RAB3C: variants seen among roughly 807,000 people sequenced by gnomAD.
The protein encoded by RAB3C is RAB3C, member RAS oncogene family, also known as ras-related protein Rab-3C.
Under a neutral mutation model 26.4 loss-of-function variants are expected in RAB3C, and 17 were observed. The ratio of observed to expected loss-of-function variants is 0.64; its 90% CI spans 0.44 to 0.97. The LOEUF is 0.97. RAB3C is among the 50% of genes least tolerant of loss of function. The pLI is 0.00. For synonymous variants in RAB3C, 91 were observed against 95.9 expected (o/e 0.95, Z 0.30); for missense variants, 242 against 281.9 (o/e 0.86, Z 1.01).
At chr5:58,599,353 G>A (rs369121487) in intron 1 of RAB3C, among the ~76,000 whole-genome samples, 8 of 152,162 alleles carry the variant, frequency 5.3e-5, no homozygotes, top group African/African-American at 1.9e-4. Context: ...TTCTGAGCAG[G>A]GACCAGGGCC....
At chr5:58,802,163 G>A (rs1742823093) in intron 3 of RAB3C, among the ~76,000 whole-genome samples, 1 of 151,972 alleles carries the variant, frequency 6.6e-6, no homozygotes, top group Admixed American at 6.6e-5. Context: ...TTAGAAAACT[G>A]CATTTAGTTA....
intron 4 of RAB3C, among the ~76,000 whole-genome samples, chr5:58,842,723 C>A (rs1464962404): frequency 6.6e-6 from 1 of 152,154 alleles, no homozygotes; most frequent in East Asian, 1.9e-4. Context: ...TTCATCAAGA[C>A]AAGGGATGAT....
intron 2 of RAB3C, among the ~76,000 whole-genome samples, chr5:58,673,920 A>C (rs1748173787): frequency 6.6e-6 from 1 of 152,220 alleles, no homozygotes; most frequent in South Asian, 2.1e-4. Flanking sequence ...GCACATAAGA[A>C]ACATAGAGAA....
intron 2 of RAB3C, among the ~76,000 whole-genome samples, chr5:58,642,071 TG>T (rs1451156560): frequency 2.0e-5 from 3 of 152,186 alleles, no homozygotes; most frequent in African/African-American, 7.2e-5. Flanking sequence ...CACTGCACCT[TG>T]TCTAGCCTAA....
chr5:58,679,359 T>C (rs1748300276), intron 2 of RAB3C, among the ~76,000 whole-genome samples: 1 of 152,232 alleles, frequency 6.6e-6, no homozygotes, highest in South Asian at 2.1e-4. Context: ...ATCTCTAGGA[T>C]GCTAGGCTTC....
chr5:58,685,766 A>G (rs551193509), intron 2 of RAB3C, among the ~76,000 whole-genome samples: 72 of 152,304 alleles, frequency 4.7e-4, no homozygotes, highest in Middle Eastern at 3.4e-3. Flanking sequence ...TGGGAATACC[A>G]TAGTGAATAC....
intron 2 of RAB3C, among the ~76,000 whole-genome samples, chr5:58,698,565 C>T (rs2111874095): frequency 6.6e-6 from 1 of 152,326 alleles, no homozygotes; most frequent in South Asian, 2.1e-4. Context: ...GGTCCACAAT[C>T]AAACGTAGAT....
At chr5:58,849,762 C>A (rs964285512) in intron 4 of RAB3C, among the ~76,000 whole-genome samples, 1 of 152,122 alleles carries the variant, frequency 6.6e-6, no homozygotes, top group Non-Finnish European at 1.5e-5. Context: ...AATAGTATAA[C>A]GACTAAGTTG....
intron 3 of RAB3C, among the ~76,000 whole-genome samples, chr5:58,794,730 C>A (rs935462912): frequency 1.3e-5 from 2 of 152,204 alleles, no homozygotes; most frequent in Non-Finnish European, 2.9e-5. Context: ...GTTTTCCCCC[C>A]ATTTTACAGA....
At chr5:58,789,198 C>T (rs989971080) in intron 3 of RAB3C, among the ~76,000 whole-genome samples, 7 of 152,134 alleles carry the variant, frequency 4.6e-5, no homozygotes, top group Admixed American at 2.6e-4. Context: ...GCCTTATCAC[C>T]GCTGTTCTGC....
intron 2 of RAB3C, among the ~76,000 whole-genome samples, chr5:58,704,919 A>G (rs1395881430): frequency 6.6e-6 from 1 of 152,170 alleles, no homozygotes; most frequent in Non-Finnish European, 1.5e-5. Context: ...ATCAGAGAGC[A>G]CTTTCAGCAT....
intron 2 of RAB3C, among the ~76,000 whole-genome samples, chr5:58,694,277 G>A (rs1008448260): frequency 1.3e-5 from 2 of 152,040 alleles, no homozygotes; most frequent in Non-Finnish European, 1.5e-5. Context: ...TCCTTTTTAC[G>A]GCTGCATAGT....
At chr5:58,797,396 T>TAC (rs766393460) in intron 3 of RAB3C, among the ~76,000 whole-genome samples, 1,953 of 116,050 alleles carry the variant, frequency 0.017, 104 homozygotes, top group Admixed American at 0.047. Context: ...TATATATATA[T>TAC]ACACAGAGAG....
chr5:58,818,319 C>T (rs1743261638), intron 3 of RAB3C, among the ~76,000 whole-genome samples: 1 of 152,154 alleles, frequency 6.6e-6, no homozygotes, highest in Admixed American at 6.5e-5. Flanking sequence ...GTGCAGAGTT[C>T]AGTTGTTTAT....
At chr5:58,797,067 C>T (rs1742672813) in intron 3 of RAB3C, among the ~76,000 whole-genome samples, 1 of 151,476 alleles carries the variant, frequency 6.6e-6, no homozygotes, top group African/African-American at 2.4e-5. Flanking sequence ...TTGTGAGAAG[C>T]AGGTGGTATT....
At chr5:58,835,342 C>A (rs546128410) in intron 4 of RAB3C, among the ~76,000 whole-genome samples, 1 of 152,296 alleles carries the variant, frequency 6.6e-6, no homozygotes, top group East Asian at 1.9e-4. Flanking sequence ...CCAGATCTTA[C>A]CAACCTTTGA....
chr5:58,596,886 T>C (rs1373778241), intron 1 of RAB3C, among the ~76,000 whole-genome samples: 1 of 97,480 alleles, frequency 1.0e-5, no homozygotes, highest in African/African-American at 4.3e-5. Flanking sequence ...ATATAATACA[T>C]AATATATAAT....
At chr5:58,845,298 C>T (rs780555439) in intron 4 of RAB3C, among the ~76,000 whole-genome samples, 3 of 152,058 alleles carry the variant, frequency 2.0e-5, no homozygotes, top group Non-Finnish European at 2.9e-5. Context: ...AGAAGAGTGT[C>T]GGCAAATCAG....
chr5:58,609,595 CAT>C (rs1746651752), intron 1 of RAB3C, among the ~76,000 whole-genome samples: 3 of 152,104 alleles, frequency 2.0e-5, no homozygotes, highest in African/African-American at 7.2e-5. Flanking sequence ...AGAAGCTACA[CAT>C]GAGTTGGACA....
Sources: allele counts gnomAD v4.1 joint callset (sites outside exome capture counted in the v4.1 genomes callset), GRCh38; gene constraint gnomAD v4.1.1; transcripts MANE v1.5; gene names NCBI Gene and HGNC (gene_info 2026-07-23, HGNC 2026-07-21).